The following ADD3 variants were observed in gnomAD, a reference collection of about 807,000 sequenced individuals.
The protein encoded by ADD3 is gamma-adducin.
A neutral mutation model predicts 80.2 loss-of-function variants in ADD3; 25 were observed. That is an observed-to-expected ratio of 0.31 (90% CI 0.23 to 0.44). The LOEUF (loss-of-function observed/expected upper bound fraction) is 0.44. Ranked by LOEUF, ADD3 falls within the 20% of genes least tolerant of loss-of-function variation. The probability of loss-of-function intolerance (pLI) is 1.00; values close to 1 mark genes in which losing one functional copy is unlikely to be tolerated. For synonymous variants in ADD3, 284 were observed against 289.6 expected (o/e 0.98, Z 0.20); for missense variants, 829 against 847.5 (o/e 0.98, Z 0.27).
intron 1 of ADD3, among the ~76,000 whole-genome samples, chr10:110,033,068 T>A (rs1391205973): frequency 6.6e-6 from 1 of 152,248 alleles, no homozygotes; most frequent in Non-Finnish European, 1.5e-5. Flanking sequence ...TCCCTTTAAC[T>A]CCTTTAAAAC....
chr10:110,007,728 G>A (rs535797819), upstream of ADD3, among the ~76,000 whole-genome samples: 41 of 152,294 alleles, frequency 2.7e-4, no homozygotes, highest in African/African-American at 9.4e-4. Context: ...GGGCGCGGAG[G>A]GGGCTGCGGG....
intron 2 of ADD3, among the ~76,000 whole-genome samples, chr10:110,109,417 T>C (rs1242973073): frequency 6.6e-6 from 1 of 152,206 alleles, no homozygotes; most frequent in East Asian, 1.9e-4. Context: ...TCTCTTCAGC[T>C]TTATTTTTCT....
intron 1 of ADD3, among the ~76,000 whole-genome samples, chr10:110,088,006 A>T (rs7068906): frequency 0.011 from 1,616 of 152,218 alleles, 32 homozygotes; most frequent in African/African-American, 0.038. Flanking sequence ...CTTGTGCTGC[A>T]TCGGTTCAAT....
At position 110,124,048 on chromosome 10, in the gene ADD3, C is replaced by T; in HGVS notation, c.1175C>T (p.Pro392Leu). Residue 392 changes from proline (P) to leucine (L), a missense_variant, in exon 10 of 15, where the codon CCT (proline) becomes CTT (leucine). Physicochemically the swap from Pro to Leu is moderately conservative, Grantham distance 98. Transcript: ENST00000356080. ...GYRTGYAYRH[P>L]LIREKPRHKS... is the part of the protein sequence containing the mutation. The stretch of plus-strand genomic sequence containing the variant: ...AGAACAGGCTATGCTTACAGGCATC[C>T]TCTCATTCGAGAGAAGCCTAGGCAC... The T allele has an allele frequency of 6.2e-7, 1 of 1,614,142 alleles. No homozygotes were observed. Among genetic ancestry groups the T allele is most frequent in the South Asian group, 1.1e-5 (1 of 91,080 alleles).
At chr10:110,041,238 T>C (rs1856325933) in intron 1 of ADD3, among the ~76,000 whole-genome samples, 1 of 152,222 alleles carries the variant, frequency 6.6e-6, no homozygotes, top group African/African-American at 2.4e-5. Context: ...ATAACAGATC[T>C]GTGAATTAAT....
intron 14 of ADD3, chr10:110,132,707 C>T: frequency 3.9e-6 from 1 of 256,550 alleles, no homozygotes; most frequent in Non-Finnish European, 7.6e-6. Context: ...GCAGGTGGAT[C>T]ACGAGGTCAG....
At chr10:110,088,181 C>G (rs190224130) in intron 1 of ADD3, among the ~76,000 whole-genome samples, 1 of 152,266 alleles carries the variant, frequency 6.6e-6, no homozygotes, top group African/African-American at 2.4e-5. Context: ...ACCCTATTTT[C>G]AAATAGGCCA....
chr10:110,012,847 C>T (rs765497013), intron 1 of ADD3, among the ~76,000 whole-genome samples: 2 of 151,956 alleles, frequency 1.3e-5, no homozygotes, highest in Non-Finnish European at 2.9e-5. Context: ...CATCCTCCCA[C>T]CTCAGCCTCC....
intron 1 of ADD3, among the ~76,000 whole-genome samples, chr10:110,019,311 A>G (rs1023405138): frequency 6.7e-6 from 1 of 150,180 alleles, no homozygotes. Flanking sequence ...AAAAATTCTT[A>G]CTGTAACTCT....
At chr10:110,100,946 G>A in intron 2 of ADD3, 98 bp downstream of exon 2, 1 of 1,130,260 alleles carries the variant, frequency 8.8e-7, no homozygotes, top group Non-Finnish European at 1.2e-6. Flanking sequence ...TTAAAAGAGG[G>A]GTGGAGGAGG....
Position 110,070,713 on chromosome 10 carries a change from G to A in ADD3, c.-29-29912G>A, listed in dbSNP as rs534884471. Reference sequence around the variant, plus strand: ...AACACATTAAGATGCTTGAAGGCAGGCAGAGTTATGCAGGGGTTGAAGGAT... The same window carrying A: ...AACACATTAAGATGCTTGAAGGCAGACAGAGTTATGCAGGGGTTGAAGGAT... On this transcript the variant is annotated intron_variant, in intron 1 of 14. Coordinates refer to ENST00000356080, the MANE Select transcript of ADD3 (RefSeq NM_016824.5). Among the ~76,000 whole-genome samples, 292 of 152,234 alleles carry A rather than the reference G, an allele frequency of 1.9e-3. 1 individual carries two copies. Among genetic ancestry groups the A allele is most frequent in the Middle Eastern group, 0.017 (5 of 294 alleles).
intron 1 of ADD3, among the ~76,000 whole-genome samples, chr10:110,015,237 C>T (rs1421159543): frequency 6.6e-6 from 1 of 152,070 alleles, no homozygotes; most frequent in Non-Finnish European, 1.5e-5. Flanking sequence ...AGAAGTGTGA[C>T]AAACCTTACT....
chr10:110,062,385 G>T (rs1859030472), intron 1 of ADD3, among the ~76,000 whole-genome samples: 1 of 149,518 alleles, frequency 6.7e-6, no homozygotes, highest in Non-Finnish European at 1.5e-5. Flanking sequence ...TTGCACTGCA[G>T]CCTAAGCAGC....
chr10:110,054,876 C>A (rs932532236), intron 1 of ADD3, among the ~76,000 whole-genome samples: 1 of 151,876 alleles, frequency 6.6e-6, no homozygotes, highest in African/African-American at 2.4e-5. Flanking sequence ...GGCCTCCCAA[C>A]GTGCTGGGCT....
At chr10:110,109,990 A>C (rs1040362812) in intron 2 of ADD3, among the ~76,000 whole-genome samples, 1 of 152,202 alleles carries the variant, frequency 6.6e-6, no homozygotes, top group African/African-American at 2.4e-5. Context: ...AATGAACTAG[A>C]TACCGGCAAT....
chr10:110,022,725 A>G (rs1853824574), intron 1 of ADD3, among the ~76,000 whole-genome samples: 3 of 152,240 alleles, frequency 2.0e-5, no homozygotes, highest in Admixed American at 2.0e-4. Context: ...CTATAGCAAC[A>G]ATTCAAAGGA....
chr10:110,118,068 AC>A (rs1851001928), intron 5 of ADD3, among the ~76,000 whole-genome samples: 1 of 135,724 alleles, frequency 7.4e-6, no homozygotes, highest in Admixed American at 7.2e-5. Flanking sequence ...ACACACACAC[AC>A]ACACAATGTT....
At chr10:110,117,461 T>G (rs755041776) in intron 5 of ADD3, 39 bp downstream of exon 5, 3 of 1,266,644 alleles carry the variant, frequency 2.4e-6, no homozygotes, top group Non-Finnish European at 3.5e-6. Flanking sequence ...TTCTGAGCTT[T>G]CTTTGGCTTT....
At chr10:110,015,377 AT>A (rs1236262588) in intron 1 of ADD3, among the ~76,000 whole-genome samples, 483 of 139,680 alleles carry the variant, frequency 3.5e-3, no homozygotes, top group Non-Finnish European at 4.2e-3. Flanking sequence ...AGAATGTTTG[AT>A]TTTTTTTTTT....
Sources: gnomAD v4.1 joint callset for allele counts (sites outside exome capture counted in the v4.1 genomes callset) on GRCh38, gnomAD v4.1.1 for gene constraint, MANE v1.5 for transcripts, NCBI Gene and HGNC (gene_info 2026-07-23, HGNC 2026-07-21) for gene names.